The following SCAI variants were observed in gnomAD, a reference collection of about 807,000 sequenced individuals.
The protein encoded by SCAI is suppressor of cancer cell invasion, also known as protein SCAI.
Under a neutral mutation model 92.2 loss-of-function variants are expected in SCAI, and 24 were observed. The ratio of observed to expected loss-of-function variants is 0.26; its 90% confidence interval spans 0.19 to 0.37. The LOEUF (loss-of-function observed/expected upper bound fraction) is 0.37. SCAI is among the 10% of genes least tolerant of loss of function. SCAI has a pLI of 1.00. For missense variants in SCAI, 450 were observed against 736.2 expected, an observed-to-expected ratio of 0.61 and a Z score of 4.50; for synonymous variants, 261 against 258.6, an observed-to-expected ratio of 1.01 and a Z score of -0.09.
At chr9:125,058,349 C>T (rs1172169558) in intron 2 of SCAI, among the ~76,000 whole-genome samples, 1 of 151,688 alleles carries the variant, frequency 6.6e-6, no homozygotes. Flanking sequence ...CCCATCTCCA[C>T]CAAAAAATAC....
At chr9:124,954,106 G>A (rs7035098) in intron 17 of SCAI, among the ~76,000 whole-genome samples, 2,545 of 152,252 alleles carry the variant, frequency 0.017, 72 homozygotes, top group African/African-American at 0.059. Context: ...CTCCCCAAGT[G>A]CTGGGATTAC....
intron 14 of SCAI, among the ~76,000 whole-genome samples, chr9:124,988,565 T>G (rs1832045819): frequency 6.6e-6 from 1 of 152,200 alleles, no homozygotes; most frequent in African/African-American, 2.4e-5. Context: ...TCTATTTCTA[T>G]ATATATGAAA....
intron 14 of SCAI, among the ~76,000 whole-genome samples, chr9:124,977,859 G>C (rs535877081): frequency 1.3e-5 from 2 of 151,992 alleles, no homozygotes; most frequent in African/African-American, 2.4e-5. Flanking sequence ...AAACTGAATA[G>C]CCATCTAAAA....
At chr9:124,996,012 G>A (rs544047295) in intron 13 of SCAI, among the ~76,000 whole-genome samples, 15 of 152,076 alleles carry the variant, frequency 9.9e-5, no homozygotes, top group African/African-American at 3.1e-4. Flanking sequence ...GTAAATTTAT[G>A]AATGTTTCAC....
At chr9:125,130,142 G>C (rs559902266) in intron 2 of SCAI, among the ~76,000 whole-genome samples, 1 of 151,472 alleles carries the variant, frequency 6.6e-6, no homozygotes, top group East Asian at 2.0e-4. Context: ...CAGGTGATCC[G>C]CCCGCCTCGG....
At position 125,135,971 on chromosome 9, in the gene SCAI, C is replaced by CAA. The variant is rs1359728011; in HGVS notation, c.98+6660_98+6661dup. Among the ~76,000 whole-genome samples, 1,327 of 80,854 alleles carry CAA rather than the reference C, an allele frequency of 0.016. 50 individuals carry two copies. The East Asian group carries it at 0.18, about 11-fold the overall frequency. 53.0% of individuals were successfully genotyped at this position (80,854 alleles called of 152,430 possible). A position where few individuals can be genotyped will look rare whatever the true frequency, so the allele number is the denominator to read the frequency against. On this transcript the variant is annotated intron_variant, in intron 2 of 17. Transcript: ENST00000336505. ...TCAACAAGCAAAACTCCATCTCAAA[C>CAA]AAAAAAAAAAAAAACAAAAAAAAAA...
chr9:125,047,251 G>A (rs113492290), intron 3 of SCAI, among the ~76,000 whole-genome samples: 27 of 152,188 alleles, frequency 1.8e-4, no homozygotes, highest in Middle Eastern at 3.4e-3. Context: ...ACAAAGAGGC[G>A]CCAGGGCACA....
intron 6 of SCAI, among the ~76,000 whole-genome samples, chr9:125,022,740 TA>T (rs1832896936): frequency 6.6e-6 from 1 of 152,112 alleles, no homozygotes; most frequent in African/African-American, 2.4e-5. Context: ...TTAAAAACAG[TA>T]TATTATTGGG....
At chr9:125,053,741 A>C (rs1833609099) in intron 3 of SCAI, among the ~76,000 whole-genome samples, 1 of 152,200 alleles carries the variant, frequency 6.6e-6, no homozygotes, top group Non-Finnish European at 1.5e-5. Context: ...AAACCGTACT[A>C]ACAGCTGCAC....
At chr9:125,133,187 C>T (rs993156159) in intron 2 of SCAI, among the ~76,000 whole-genome samples, 2 of 152,022 alleles carry the variant, frequency 1.3e-5, no homozygotes, top group Non-Finnish European at 2.9e-5. Flanking sequence ...GTCAGGAGTT[C>T]GAGACCAGCC....
rs1020534539 is a variant in SCAI, at chr9:124,945,540, C to G, written c.*7267G>C. ...ATTGCATTCCAGCCTGGGCAACGAG[C>G]AAAACTCCATCTCAAAAAAAAAAAA... On this transcript the variant is annotated 3_prime_UTR_variant, in exon 18 of 18. Transcript: ENST00000336505. The G allele has an allele frequency of 3.4e-5, 5 of 147,432 alleles. No homozygotes were observed. Among genetic ancestry groups the G allele is most frequent in the African/African-American group, 1.3e-4 (5 of 39,858 alleles). The allele number at this position is 147,432 out of a possible 1,614,324, so 9.1% of individuals were successfully genotyped here. A position where few individuals can be genotyped will look rare whatever the true frequency, so the allele number is the denominator to read the frequency against.
rs564639801 is a variant in SCAI, at chr9:124,965,001, G to A, written c.1674+6369C>T. On this transcript the variant is annotated intron_variant, in intron 17 of 17. Coordinates refer to ENST00000336505, the MANE Select transcript of SCAI (RefSeq NM_001144877.3). ...TTACTAATAAATGTCTTTTGTGGCAGGTTTTTTTTTTTTTTCCAGAAAAGG... is the reference window on the plus strand; with the variant it reads ...TTACTAATAAATGTCTTTTGTGGCAAGTTTTTTTTTTTTTTCCAGAAAAGG... Among the ~76,000 whole-genome samples, 114 of 107,578 alleles carry A rather than the reference G, an allele frequency of 1.1e-3. 3 individuals carry two copies. The South Asian group carries it at 0.035, about 33-fold the overall frequency. 70.6% of individuals were successfully genotyped at this position (107,578 alleles called of 152,430 possible). A position where few individuals can be genotyped will look rare whatever the true frequency, so the allele number is the denominator to read the frequency against.
At position 124,971,462 on chromosome 9, in the gene SCAI, A is replaced by C; in HGVS notation, c.1582T>G (p.Phe528Val). 6.2e-7 allele frequency: 1 copy of C among 1,607,484 alleles called. No individual in the cohort carries two copies. Among genetic ancestry groups the C allele is most frequent in the Admixed American group, 1.7e-5 (1 of 59,290 alleles). The change falls in exon 17 of 18, where the codon TTT becomes GTT. Residue 528 changes from phenylalanine (F) to valine (V), a missense_variant. Physicochemically the swap from Phe to Val is conservative, Grantham distance 50. This residue lies in a region of SCAI where 360 missense variants were observed against 601.8 expected (regional missense o/e 0.60). Coordinates refer to ENST00000336505, the MANE Select transcript of SCAI (RefSeq NM_001144877.3). ...LTHSRSIDQAFLQFFGDEFLR... is the reference protein window; with the variant it reads ...LTHSRSIDQAVLQFFGDEFLR... Reference sequence around the variant, plus strand: ...AATTCATCTCCAAAAAACTGGAGAAATGCCTGATCTGCAAAGAGGAGAAAA... The same window carrying C: ...AATTCATCTCCAAAAAACTGGAGAACTGCCTGATCTGCAAAGAGGAGAAAA...
intron 17 of SCAI, among the ~76,000 whole-genome samples, chr9:124,955,549 A>G (rs887338467): frequency 4.6e-5 from 7 of 152,094 alleles, no homozygotes; most frequent in African/African-American, 1.7e-4. Context: ...TGAACCCGGG[A>G]GGCAGAGGTT....
intron 2 of SCAI, among the ~76,000 whole-genome samples, chr9:125,127,824 A>G (rs565352964): frequency 2.6e-5 from 4 of 152,088 alleles, no homozygotes; most frequent in Non-Finnish European, 5.9e-5. Context: ...CCTGGCCAAC[A>G]TGGCAAAACT....
At chr9:125,128,980 T>G (rs569924133) in intron 2 of SCAI, among the ~76,000 whole-genome samples, 32 of 151,724 alleles carry the variant, frequency 2.1e-4, no homozygotes, top group Middle Eastern at 3.4e-3. Context: ...GGAGAATCGC[T>G]TGAATCCAGG....
At chr9:124,975,575 A>C (rs1338655304) in intron 15 of SCAI, among the ~76,000 whole-genome samples, 1 of 152,232 alleles carries the variant, frequency 6.6e-6, no homozygotes, top group Non-Finnish European at 1.5e-5. Context: ...TGGCCAAAAC[A>C]CTAACCTGTC....
At chr9:125,013,335 T>C (rs1001242856) in intron 9 of SCAI, among the ~76,000 whole-genome samples, 7 of 152,048 alleles carry the variant, frequency 4.6e-5, no homozygotes, top group Admixed American at 4.6e-4. Context: ...CAATAAAAAA[T>C]GATAAAGGGG....
At chr9:124,972,577 TCTTA>T (rs987570303) in intron 15 of SCAI, among the ~76,000 whole-genome samples, 3 of 152,200 alleles carry the variant, frequency 2.0e-5, no homozygotes, top group African/African-American at 7.2e-5. Flanking sequence ...TGACTCACAC[TCTTA>T]CTTCTTTTAA....
Sources: allele counts gnomAD v4.1 joint callset (sites outside exome capture counted in the v4.1 genomes callset), GRCh38; gene constraint gnomAD v4.1.1; regional missense constraint gnomAD v4.1.1; transcripts MANE v1.5; gene names NCBI Gene and HGNC (gene_info 2026-07-23, HGNC 2026-07-21).